NTPCR: variants seen among roughly 807,000 people sequenced by gnomAD.
The protein encoded by NTPCR is nucleoside-triphosphatase, cancer-related.
NTPCR carries 15 observed loss-of-function variants against 19.5 expected under a neutral mutation model. The observed-to-expected ratio is 0.77, with a 90% CI of 0.51 to 1.18. The LOEUF (loss-of-function observed/expected upper bound fraction) is 1.18, where lower values mean the gene tolerates loss of function less well. Ranked by LOEUF, NTPCR falls within the 50% of genes most tolerant of loss-of-function variation. NTPCR has a pLI of 0.00. For synonymous variants in NTPCR, 90 were observed against 95.8 expected (o/e 0.94, Z 0.36); for missense variants, 206 against 240.4 (o/e 0.86, Z 0.95).
At position 232,953,178 on chromosome 1, in the gene NTPCR, C is replaced by G. The variant is rs912539596; in HGVS notation, c.35-2379C>G. 6.6e-5 allele frequency among the ~76,000 whole-genome samples: 10 copies of G among 152,304 alleles called. 1 individual carries two copies. Among genetic ancestry groups the G allele is most frequent in the African/African-American group, 1.9e-4 (8 of 41,558 alleles). On this transcript the variant is annotated intron_variant, in intron 1 of 4. Transcript: ENST00000366628. The stretch of plus-strand genomic sequence containing the variant: ...TCCCTTCCCTTTCTGAATTTCTTCC[C>G]TGCCAGTCCATCATGTTGTCACTGC...
rs1235804337 is a variant in NTPCR, at chr1:232,978,220, A to G, written c.562A>G (p.Ser188Gly). 6.2e-7 allele frequency: 1 copy of G among 1,614,172 alleles called. No individual in the cohort carries two copies. The highest frequency in any genetic ancestry group is 8.5e-7 in the Non-Finnish European group (1 of 1,180,002). The change falls in exon 5 of 5, where the codon AGC becomes GGC. Residue 188 changes from serine to glycine, a missense_variant. Ser to Gly is a moderately conservative substitution (Grantham distance 56, BLOSUM62 0). Coordinates refer to ENST00000366628, the MANE Select transcript of NTPCR (RefSeq NM_032324.3). The part of the protein sequence containing the change: ...LPDIVTCVQS[S>G]RK ...AGATATCGTGACGTGCGTGCAGAGC[A>G]GCAGGAAGTGAAGACACGTGCATTC...
At position 232,975,904 on chromosome 1, in the gene NTPCR, A is replaced by G. The variant is rs181783903; in HGVS notation, c.505-2259A>G. 2.5e-4 allele frequency among the ~76,000 whole-genome samples: 38 copies of G among 152,350 alleles called. No individual in the cohort carries two copies. In the East Asian group the frequency reaches 5.2e-3, roughly 21 times the overall value. On this transcript the variant is annotated intron_variant, in intron 4 of 4. Transcript: ENST00000366628. Reference sequence around the variant, plus strand: ...CAACCAAAATTCTGGCTGTTGAATAAAAAGTAGACTAGAATTTCACATAAG... The same window carrying G: ...CAACCAAAATTCTGGCTGTTGAATAGAAAGTAGACTAGAATTTCACATAAG...
Position 232,956,410 on chromosome 1 carries a change from T to G in NTPCR, c.261T>G (p.Ser87=). 1 of 1,613,832 alleles carries G rather than the reference T, an allele frequency of 6.2e-7. No individual in the cohort carries two copies. The highest frequency in any genetic ancestry group is 1.1e-5 in the South Asian group (1 of 91,068). ...RVGQYVVDLT[S]FEQLALPVLR... ...GGCAGTATGTGGTCGACCTGACTTC[T>G]TTTGAGCAGTTGGCACTACCCGTCT... is the stretch of plus-strand genomic sequence containing the variant. Residue 87 remains serine (S), a synonymous_variant, in exon 3 of 5, where the codon TCT becomes TCG. Transcript: ENST00000366628.
intron 3 of NTPCR, among the ~76,000 whole-genome samples, chr1:232,958,044 A>G (rs1470814385): frequency 6.6e-6 from 1 of 152,150 alleles, no homozygotes; most frequent in Non-Finnish European, 1.5e-5. Context: ...GCAGGTGAAG[A>G]AGGTAAGTTT....
At chr1:232,954,337 C>T (rs977395664) in intron 1 of NTPCR, among the ~76,000 whole-genome samples, 1 of 152,164 alleles carries the variant, frequency 6.6e-6, no homozygotes, top group African/African-American at 2.4e-5. Context: ...AAGATAGATA[C>T]ATTAAATAAG....
At chr1:232,965,717 G>A (rs1442721938) in intron 3 of NTPCR, 3 of 152,284 alleles carry the variant, frequency 2.0e-5, no homozygotes, top group African/African-American at 7.2e-5. Context: ...GAGGAGTACT[G>A]GGCTCTCCGT....
chr1:232,969,591 A>T (rs1168246566), intron 3 of NTPCR: 1 of 265,068 alleles, frequency 3.8e-6, no homozygotes, highest in Non-Finnish European at 7.5e-6. Flanking sequence ...GTACAATTGC[A>T]TCCTTTAGAT....
chr1:232,978,303 G>A lies in NTPCR; in HGVS notation c.*72G>A, dbSNP rs1023474425. The stretch of plus-strand genomic sequence containing the variant: ...GGAGCCTGATGGAGCCCTGCCTGTC[G>A]AGGCTGTATGCCTATGGGGTTATGG... On this transcript the variant is annotated 3_prime_UTR_variant, in exon 5 of 5. Transcript: ENST00000366628. 7.1e-6 allele frequency: 9 copies of A among 1,261,408 alleles called. No homozygotes were observed. The highest frequency in any genetic ancestry group is 4.9e-5 in the South Asian group (4 of 81,254). 78.1% of individuals were successfully genotyped at this position (1,261,408 alleles called of 1,614,324 possible).
chr1:232,963,452 G>T lies in NTPCR; in HGVS notation c.295-6457G>T, dbSNP rs1181597277. 3 of 152,330 alleles carry T rather than the reference G, an allele frequency of 2.0e-5. No individual in the cohort carries two copies. In the South Asian group the frequency reaches 6.2e-4, roughly 32 times the overall value. 9.4% of individuals were successfully genotyped at this position (152,330 alleles called of 1,614,324 possible). The stretch of plus-strand genomic sequence containing the variant: ...GTCCACTCTCAAGAAACACAGAAAA[G>T]TTGCATGCTCCTTAAGTCACACGTC... On this transcript the variant is annotated intron_variant, in intron 3 of 4. Coordinates refer to ENST00000366628, the MANE Select transcript of NTPCR (RefSeq NM_032324.3).
Position 232,950,700 on chromosome 1 carries a change from CG to C in NTPCR, c.-10del. On this transcript the variant is annotated 5_prime_UTR_variant, in exon 1 of 5. Transcript: ENST00000366628. ...CTCCCCTGACCGCAACCCCTACCCC[CG>C]CCCACCAGTATGGCCCGGCACGTGT... 1 of 1,605,924 alleles carries C rather than the reference CG, an allele frequency of 6.2e-7. No individual in the cohort carries two copies. Among genetic ancestry groups the C allele is most frequent in the Middle Eastern group, 1.7e-4 (1 of 5,974 alleles).
rs1407903431 is a variant in NTPCR at position 232,952,121 on chromosome 1, C to T, written c.34+1377C>T. Among the ~76,000 whole-genome samples the T allele has an allele frequency of 5.3e-5, 8 of 152,156 alleles. 1 individual carries two copies. In the South Asian group the frequency reaches 1.5e-3, roughly 28 times the overall value. On this transcript the variant is annotated intron_variant, in intron 1 of 4. Transcript: ENST00000366628. Reference sequence around the variant, plus strand: ...CCTTCTCTTCTTAATGTAGTTACAGCGTAATTTTCATTAGTCAATGTTTAC... The same window carrying T: ...CCTTCTCTTCTTAATGTAGTTACAGTGTAATTTTCATTAGTCAATGTTTAC...
rs377376614 is a variant in NTPCR at position 232,956,391 on chromosome 1, A to C, written c.242A>C (p.Tyr81Ser). 4 of 1,613,980 alleles carry C rather than the reference A, an allele frequency of 2.5e-6. No homozygotes were observed. The highest frequency in any genetic ancestry group is 2.5e-6 in the Non-Finnish European group (3 of 1,179,858). ...PGKRECRVGQ[Y>S]VVDLTSFEQL... ...AAACGTGAATGCCGAGTTGGGCAGT[A>C]TGTGGTCGACCTGACTTCTTTTGAG... Residue 81 changes from tyrosine (Y) to serine (S), a missense_variant, in exon 3 of 5, where the codon TAT becomes TCT. Coordinates refer to ENST00000366628, the MANE Select transcript of NTPCR (RefSeq NM_032324.3).
intron 1 of NTPCR, among the ~76,000 whole-genome samples, chr1:232,954,423 G>A (rs1014194312): frequency 2.0e-5 from 3 of 152,226 alleles, no homozygotes; most frequent in Non-Finnish European, 2.9e-5. Flanking sequence ...TTGCAACTCT[G>A]TAGTATCTCA....
intron 1 of NTPCR, among the ~76,000 whole-genome samples, chr1:232,953,326 T>A (rs746230954): frequency 2.0e-5 from 3 of 152,098 alleles, no homozygotes; most frequent in Non-Finnish European, 4.4e-5. Context: ...CATCTCGAGG[T>A]CTCCTGAAGC....
rs1669248548 is a variant in NTPCR, at chr1:232,980,260, T to C, written c.*2029T>C. The C allele has an allele frequency of 6.6e-6, 1 of 152,222 alleles. No homozygotes were observed. Among genetic ancestry groups the C allele is most frequent in the South Asian group, 2.1e-4 (1 of 4,830 alleles). 9.4% of individuals were successfully genotyped at this position (152,222 alleles called of 1,614,324 possible). Reference sequence around the variant, plus strand: ...ACAGATTCAGGGTGGCCCCTAGCACTTGGGGCTGCGGGAGCTTCTGCACAC... The same window carrying C: ...ACAGATTCAGGGTGGCCCCTAGCACCTGGGGCTGCGGGAGCTTCTGCACAC... On this transcript the variant is annotated 3_prime_UTR_variant, in exon 5 of 5. Transcript: ENST00000366628.
In NTPCR at chr1:232,978,200, T is replaced by TCGTGACGTG. The variant is rs1303776445; in HGVS notation, c.547_555dup (p.Thr183_Val185dup). ...AACAGAAACCACCTTCTGCCAGATA[T>TCGTGACGTG]CGTGACGTGCGTGCAGAGCAGCAGG... On this transcript the variant is annotated inframe_insertion, in exon 5 of 5. Coordinates refer to ENST00000366628, the MANE Select transcript of NTPCR (RefSeq NM_032324.3). 6.2e-7 allele frequency: 1 copy of TCGTGACGTG among 1,614,096 alleles called. No homozygotes were observed. Among genetic ancestry groups the TCGTGACGTG allele is most frequent in the Non-Finnish European group, 8.5e-7 (1 of 1,180,034 alleles).
At position 232,966,318 on chromosome 1, in the gene NTPCR, GCTCA is replaced by G. The variant is rs1215968796; in HGVS notation, c.295-3590_295-3587del. 3 of 152,178 alleles carry G rather than the reference GCTCA, an allele frequency of 2.0e-5. No individual in the cohort carries two copies. In the East Asian group the frequency reaches 5.8e-4, roughly 29 times the overall value. 9.4% of individuals were successfully genotyped at this position (152,178 alleles called of 1,614,324 possible). On this transcript the variant is annotated intron_variant, in intron 3 of 4. Transcript: ENST00000366628. ...CATACTTGCTGTCCCAGGTGGGTAA[GCTCA>G]GGAGCTAGTCTGTGTGTCTGATATT...
At chr1:232,955,858 T>C (rs1668498891) in intron 2 of NTPCR, 139 bp downstream of exon 2, 3 of 791,532 alleles carry the variant, frequency 3.8e-6, no homozygotes, top group Non-Finnish European at 4.1e-6. Flanking sequence ...GCTTTCCCTT[T>C]AGGTTGAGAG....
intron 4 of NTPCR, among the ~76,000 whole-genome samples, chr1:232,975,717 G>C (rs1449152383): frequency 1.3e-5 from 2 of 152,116 alleles, no homozygotes; most frequent in East Asian, 1.9e-4. Flanking sequence ...CAGGTGCAAG[G>C]GTTCAGGTTC....
Sources: allele counts gnomAD v4.1 joint callset (sites outside exome capture counted in the v4.1 genomes callset), GRCh38; gene constraint gnomAD v4.1.1; transcripts MANE v1.5; gene names NCBI Gene and HGNC (gene_info 2026-07-23, HGNC 2026-07-21).